HS3ST2: variants seen among roughly 807,000 people sequenced by gnomAD.
HS3ST2 encodes the protein heparan sulfate glucosamine 3-O-sulfotransferase 2.
Under a neutral mutation model 26.3 loss-of-function variants are expected in HS3ST2, and 17 were observed. The ratio of observed to expected loss-of-function variants is 0.65; its 90% CI spans 0.44 to 0.97. The LOEUF is 0.97. Among genes scored for constraint, HS3ST2 ranks in the 50% least tolerant of loss-of-function variants. The pLI, the probability that HS3ST2 is intolerant of heterozygous loss-of-function variation, is 0.00. For synonymous variants in HS3ST2, 237 were observed against 219.2 expected (o/e 1.08, Z -0.72); for missense variants, 402 against 501.2 (o/e 0.80, Z 1.89).
intron 1 of HS3ST2, among the ~76,000 whole-genome samples, chr16:22,878,995 C>G (rs1901954354): frequency 6.6e-6 from 1 of 152,168 alleles, no homozygotes; most frequent in South Asian, 2.1e-4. Context: ...TGCCGAAAGC[C>G]CTGTCTACAT....
intron 1 of HS3ST2, among the ~76,000 whole-genome samples, chr16:22,816,512 A>G (rs899733123): frequency 1.3e-5 from 2 of 152,190 alleles, no homozygotes; most frequent in African/African-American, 2.4e-5. Flanking sequence ...CATCCTTAGC[A>G]GGCAGACACA....
chr16:22,843,999 AT>A (rs1329682174), intron 1 of HS3ST2, among the ~76,000 whole-genome samples: 1 of 139,782 alleles, frequency 7.2e-6, no homozygotes, highest in Non-Finnish European at 1.5e-5. Flanking sequence ...GGAATTGTGG[AT>A]GAAAACCTAC....
At chr16:22,898,771 A>T (rs538959575) in intron 1 of HS3ST2, among the ~76,000 whole-genome samples, 1 of 152,176 alleles carries the variant, frequency 6.6e-6, no homozygotes, top group Non-Finnish European at 1.5e-5. Flanking sequence ...CACATCTGAG[A>T]CATGAATTAT....
At chr16:22,825,523 C>T (rs986477538) in intron 1 of HS3ST2, among the ~76,000 whole-genome samples, 1 of 152,048 alleles carries the variant, frequency 6.6e-6, no homozygotes, top group Non-Finnish European at 1.5e-5. Context: ...TAGTAAGTAG[C>T]ATGGAAAGGA....
chr16:22,855,287 G>T (rs1187721783), intron 1 of HS3ST2, among the ~76,000 whole-genome samples: 1 of 152,104 alleles, frequency 6.6e-6, no homozygotes, highest in Non-Finnish European at 1.5e-5. Flanking sequence ...CCCAACGTGG[G>T]CCTTGAGCTG....
intron 1 of HS3ST2, among the ~76,000 whole-genome samples, chr16:22,875,604 A>T (rs1653737141): frequency 6.6e-6 from 1 of 151,886 alleles, no homozygotes; most frequent in Non-Finnish European, 1.5e-5. Flanking sequence ...GATGGTCTCG[A>T]TCTCCTGACC....
intron 1 of HS3ST2, among the ~76,000 whole-genome samples, chr16:22,871,031 G>C (rs910377580): frequency 4.6e-5 from 7 of 152,108 alleles, no homozygotes; most frequent in African/African-American, 1.7e-4. Context: ...TATTCAATAA[G>C]TCACATGAGC....
intron 1 of HS3ST2, among the ~76,000 whole-genome samples, chr16:22,838,759 C>T (rs1901310582): frequency 6.6e-6 from 1 of 152,184 alleles, no homozygotes; most frequent in Non-Finnish European, 1.5e-5. Context: ...AGTTCTTCCT[C>T]TTGCTAGGTA....
chr16:22,890,780 G>T (rs912695317), intron 1 of HS3ST2, among the ~76,000 whole-genome samples: 1 of 152,206 alleles, frequency 6.6e-6, no homozygotes, highest in Non-Finnish European at 1.5e-5. Flanking sequence ...AGAGTCTGTA[G>T]GTTTAACCAC....
At chr16:22,830,644 A>G (rs1437232783) in intron 1 of HS3ST2, among the ~76,000 whole-genome samples, 3 of 152,220 alleles carry the variant, frequency 2.0e-5, no homozygotes, top group Admixed American at 1.3e-4. Flanking sequence ...GCCTGGATGC[A>G]TGAACCCTTG....
intron 1 of HS3ST2, among the ~76,000 whole-genome samples, chr16:22,828,448 G>A (rs1596605880): frequency 6.6e-6 from 1 of 152,172 alleles, no homozygotes; most frequent in Non-Finnish European, 1.5e-5. Context: ...CTTCCCTTAA[G>A]CAGAATTGAA....
chr16:22,893,300 T>G (rs111819454), intron 1 of HS3ST2, among the ~76,000 whole-genome samples: 6 of 152,342 alleles, frequency 3.9e-5, no homozygotes, highest in Non-Finnish European at 8.8e-5. Context: ...TATGAGATAA[T>G]ACATGTAAAA....
At chr16:22,850,445 T>C (rs1382428659) in intron 1 of HS3ST2, among the ~76,000 whole-genome samples, 1 of 152,214 alleles carries the variant, frequency 6.6e-6, no homozygotes, top group East Asian at 1.9e-4. Context: ...TAATTTATTA[T>C]TTCTCATGGT....
chr16:22,888,177 A>G (rs1014622352), intron 1 of HS3ST2, among the ~76,000 whole-genome samples: 3 of 152,006 alleles, frequency 2.0e-5, no homozygotes, highest in African/African-American at 7.2e-5. Flanking sequence ...AAATACATTT[A>G]TTGAATTTAA....
chr16:22,916,265 G>A lies in HS3ST2; in HGVS notation c.*703G>A, dbSNP rs768145444. On this transcript the variant is annotated 3_prime_UTR_variant, in exon 2 of 2. Coordinates refer to ENST00000261374, the MANE Select transcript of HS3ST2 (RefSeq NM_006043.2). ...GCTGTTACGGGTACTTTGCTCATAC[G>A]AGCTTTCATGTTCAGCATGCAATGG... 2.0e-5 allele frequency: 3 copies of A among 152,664 alleles called. No homozygotes were observed. The highest frequency in any genetic ancestry group is 1.5e-5 in the Non-Finnish European group (1 of 68,072). The allele number at this position is 152,664 out of a possible 1,614,324, so 9.5% of individuals were successfully genotyped here.
At chr16:22,856,921 T>C (rs917257315) in intron 1 of HS3ST2, among the ~76,000 whole-genome samples, 3 of 152,190 alleles carry the variant, frequency 2.0e-5, no homozygotes, top group Non-Finnish European at 2.9e-5. Flanking sequence ...GCAGGTGTCA[T>C]TCAAGGGTAA....
intron 1 of HS3ST2, among the ~76,000 whole-genome samples, chr16:22,847,870 AAAAG>A (rs200746962): frequency 0.014 from 2,060 of 151,920 alleles, 24 homozygotes; most frequent in Admixed American, 0.03. Context: ...AAAAGAAAAA[AAAAG>A]AAAGAAAGAG....
chr16:22,893,034 A>G (rs1902150925), intron 1 of HS3ST2, among the ~76,000 whole-genome samples: 1 of 152,248 alleles, frequency 6.6e-6, no homozygotes, highest in African/African-American at 2.4e-5. Flanking sequence ...TCTACACATT[A>G]TAGAACAATA....
At chr16:22,822,221 A>G (rs1394791100) in intron 1 of HS3ST2, among the ~76,000 whole-genome samples, 2 of 152,114 alleles carry the variant, frequency 1.3e-5, no homozygotes, top group Non-Finnish European at 2.9e-5. Flanking sequence ...AGACTCATGC[A>G]GTGGCACAGT....
Sources: allele counts gnomAD v4.1 joint callset (sites outside exome capture counted in the v4.1 genomes callset), GRCh38; gene constraint gnomAD v4.1.1; transcripts MANE v1.5; gene names NCBI Gene and HGNC (gene_info 2026-07-23, HGNC 2026-07-21).